The following CWF19L1 variants were observed in gnomAD, a reference collection of about 807,000 sequenced individuals.
CWF19L1 encodes the protein CWF19-like protein 1.
In CWF19L1, 60 loss-of-function variants were observed where a neutral mutation model predicts 69.7. The ratio of observed to expected loss-of-function variants is 0.86; its 90% CI spans 0.70 to 1.07. The LOEUF (loss-of-function observed/expected upper bound fraction) is 1.07. Among genes scored for constraint, CWF19L1 ranks in the 50% least tolerant of loss-of-function variants. The pLI is 0.00. For synonymous variants in CWF19L1, 209 were observed against 222.2 expected (o/e 0.94, Z 0.53); for missense variants, 591 against 638.9 (o/e 0.92, Z 0.81).
intron 10 of CWF19L1, among the ~76,000 whole-genome samples, chr10:100,242,427 A>T (rs928469235): frequency 2.0e-5 from 3 of 152,214 alleles, no homozygotes; most frequent in Admixed American, 2.0e-4. Context: ...TAATCCCAGC[A>T]CTTTGGGAGG....
chr10:100,252,304 G>A (rs552459605), intron 6 of CWF19L1, among the ~76,000 whole-genome samples: 32 of 152,066 alleles, frequency 2.1e-4, no homozygotes, highest in Non-Finnish European at 2.5e-4. Flanking sequence ...GTGTGGTGGC[G>A]GTCGCCTGTA....
chr10:100,242,251 A>C (rs1005082875), intron 10 of CWF19L1, among the ~76,000 whole-genome samples: 1 of 152,174 alleles, frequency 6.6e-6, no homozygotes, highest in Non-Finnish European at 1.5e-5. Flanking sequence ...AGATACTCAC[A>C]CCAGGAGTGT....
intron 1 of CWF19L1, chr10:100,262,453 G>A (rs1266265476): frequency 1.0e-6 from 1 of 985,126 alleles, no homozygotes; most frequent in Non-Finnish European, 1.2e-6. Flanking sequence ...TCCTATCTTA[G>A]TACGACTCCT....
At chr10:100,248,293 A>G in intron 7 of CWF19L1, 1 of 1,369,842 alleles carries the variant, frequency 7.3e-7, no homozygotes, top group Non-Finnish European at 1.0e-6. Flanking sequence ...TCCGTTGGCA[A>G]GTTTGGCCTG....
At chr10:100,256,586 T>G in intron 4 of CWF19L1, 110 bp from the exon 5 acceptor site, 1 of 818,210 alleles carries the variant, frequency 1.2e-6, no homozygotes, top group Non-Finnish European at 2.0e-6. Context: ...ATTTTACATG[T>G]CTGAAGTGTA....
chr10:100,238,447 G>A (rs765212062), intron 10 of CWF19L1, among the ~76,000 whole-genome samples: 14 of 152,188 alleles, frequency 9.2e-5, no homozygotes, highest in Non-Finnish European at 1.9e-4. Context: ...AAATTTCTAT[G>A]CAAGTAGCAA....
chr10:100,266,507 T>C (rs1034744426), intron 1 of CWF19L1, among the ~76,000 whole-genome samples: 3 of 151,142 alleles, frequency 2.0e-5, no homozygotes, highest in African/African-American at 7.3e-5. Context: ...ATGGTAACTT[T>C]ACATTTATCT....
chr10:100,234,394 C>T (rs756325482), intron 13 of CWF19L1, among the ~76,000 whole-genome samples: 2 of 152,166 alleles, frequency 1.3e-5, no homozygotes, highest in African/African-American at 2.4e-5. Flanking sequence ...ATCATAAGCA[C>T]AAAACCATTC....
chr10:100,258,035 C>T (rs952029309), intron 4 of CWF19L1, among the ~76,000 whole-genome samples: 12 of 151,970 alleles, frequency 7.9e-5, no homozygotes, highest in African/African-American at 2.7e-4. Context: ...GTCAGGATTT[C>T]GAGACCAGCC....
intron 7 of CWF19L1, chr10:100,248,902 G>C (rs1183825793): frequency 3.2e-6 from 3 of 938,322 alleles, no homozygotes; most frequent in Non-Finnish European, 5.2e-6. Flanking sequence ...CTCTGCTGAG[G>C]GCGATTCCAA....
At chr10:100,262,925 A>T (rs1251726287) in intron 1 of CWF19L1, among the ~76,000 whole-genome samples, 1 of 140,032 alleles carries the variant, frequency 7.1e-6, no homozygotes, top group Non-Finnish European at 1.5e-5. Flanking sequence ...ACACCTCGCC[A>T]AACTTTTTTT....
chr10:100,256,935 A>T (rs1847231734), intron 4 of CWF19L1, among the ~76,000 whole-genome samples: 1 of 152,246 alleles, frequency 6.6e-6, no homozygotes, highest in Non-Finnish European at 1.5e-5. Flanking sequence ...ACAAAAAATT[A>T]GCCAGGCATG....
intron 7 of CWF19L1, among the ~76,000 whole-genome samples, chr10:100,249,797 G>A (rs1242559401): frequency 1.3e-5 from 2 of 152,140 alleles, no homozygotes; most frequent in Non-Finnish European, 2.9e-5. Context: ...TGTTGGCCAG[G>A]CTGGTCTCAA....
At chr10:100,262,928 C>T (rs1241963280) in intron 1 of CWF19L1, among the ~76,000 whole-genome samples, 2 of 147,956 alleles carry the variant, frequency 1.4e-5, no homozygotes, top group African/African-American at 5.0e-5. Flanking sequence ...CCTCGCCAAA[C>T]TTTTTTTTTT....
Position 100,244,906 on chromosome 10 carries a change from C to T in CWF19L1, c.964+893G>A, listed in dbSNP as rs561059428. Among the ~76,000 whole-genome samples the T allele has an allele frequency of 5.9e-5, 9 of 152,228 alleles. No individual in the cohort carries two copies. The South Asian group carries it at 1.2e-3, about 21-fold the overall frequency. On this transcript the variant is annotated intron_variant, in intron 9 of 13. Transcript: ENST00000354105. ...CTGGCCTTAAGTGATCCACCCGCTT[C>T]GGCCACCCAAAGTGCTGGGATTACA...
At chr10:100,241,108 A>T (rs1003628457) in intron 10 of CWF19L1, among the ~76,000 whole-genome samples, 3 of 146,426 alleles carry the variant, frequency 2.0e-5, no homozygotes, top group Non-Finnish European at 3.0e-5. Context: ...CCCAGGTTCA[A>T]GCAATTCTCT....
intron 4 of CWF19L1, among the ~76,000 whole-genome samples, chr10:100,259,635 A>G (rs557377568): frequency 1.1e-4 from 16 of 152,230 alleles, no homozygotes; most frequent in Non-Finnish European, 2.2e-4. Flanking sequence ...CCAGTTGGCT[A>G]AACAAGTGTG....
rs766138135 is a variant in CWF19L1 at position 100,250,294 on chromosome 10, G to A, written c.662C>T (p.Thr221Ile). 3.7e-6 allele frequency: 6 copies of A among 1,612,850 alleles called. No individual in the cohort carries two copies. The highest frequency in any genetic ancestry group is 2.2e-5 in the South Asian group (2 of 91,068). Residue 221 changes from threonine (T) to isoleucine (I), a missense_variant, in exon 7 of 14, where the codon ACC becomes ATC. By Grantham distance (89) the Thr-to-Ile change is moderately conservative. This residue lies in a region of CWF19L1 where 458 missense variants were observed against 489.3 expected (regional missense o/e 0.94). Transcript: ENST00000354105. ...IILQENAQHA[T>I]RFIALANVGN... The stretch of plus-strand genomic sequence containing the variant: ...AACATTTGCCAGAGCTATAAACCGG[G>A]TGGCATGCTGTGCATTTTCCTGTAG...
intron 1 of CWF19L1, among the ~76,000 whole-genome samples, chr10:100,265,944 G>C (rs1331693322): frequency 6.6e-6 from 1 of 152,190 alleles, no homozygotes; most frequent in Non-Finnish European, 1.5e-5. Context: ...TAGGTGTACA[G>C]GAAGCCATAC....
Sources: allele counts gnomAD v4.1 joint callset (sites outside exome capture counted in the v4.1 genomes callset), GRCh38; gene constraint gnomAD v4.1.1; regional missense constraint gnomAD v4.1.1; transcripts MANE v1.5; gene names NCBI Gene and HGNC (gene_info 2026-07-23, HGNC 2026-07-21).